The following OSBPL3 variants were observed in gnomAD, a reference collection of about 807,000 sequenced individuals.
The protein encoded by OSBPL3 is oxysterol binding protein like 3.
In OSBPL3, 65 loss-of-function variants were observed where a neutral mutation model predicts 120.1. That is an observed-to-expected ratio of 0.54 (90% CI 0.44 to 0.67). The LOEUF is 0.67. Among genes scored for constraint, OSBPL3 ranks in the 30% least tolerant of loss-of-function variants. OSBPL3 has a pLI of 0.00. For synonymous variants in OSBPL3, 416 were observed against 402.6 expected (o/e 1.03, Z -0.40); for missense variants, 1,004 against 1,082.1 (o/e 0.93, Z 1.01).
chr7:24,970,005 G>C (rs1816818050), intron 1 of OSBPL3, among the ~76,000 whole-genome samples: 1 of 151,680 alleles, frequency 6.6e-6, no homozygotes, highest in African/African-American at 2.4e-5. Flanking sequence ...CATCAAACCG[G>C]ATAGTCCACC....
intron 1 of OSBPL3, among the ~76,000 whole-genome samples, chr7:24,935,920 A>G (rs1016427471): frequency 1.3e-5 from 2 of 152,068 alleles, no homozygotes; most frequent in African/African-American, 2.4e-5. Flanking sequence ...TTTAGGGTAC[A>G]TGTGCACAAT....
intron 1 of OSBPL3, among the ~76,000 whole-genome samples, chr7:24,925,759 C>T (rs1005363900): frequency 6.6e-6 from 1 of 152,218 alleles, no homozygotes; most frequent in African/African-American, 2.4e-5. Context: ...ATAGGTCCTA[C>T]TGATGGTGTA....
chr7:24,885,175 T>C (rs753117640), intron 2 of OSBPL3, among the ~76,000 whole-genome samples: 4 of 150,438 alleles, frequency 2.7e-5, no homozygotes, highest in Admixed American at 6.6e-5. Flanking sequence ...TGAGCCAAGA[T>C]TGCAGCACTG....
In OSBPL3 at chr7:24,854,609, GC is replaced by G. The variant is rs1480729481; in HGVS notation, c.1028-1976del. On this transcript the variant is annotated intron_variant, in intron 10 of 22. Coordinates refer to ENST00000313367, the MANE Select transcript of OSBPL3 (RefSeq NM_015550.4). This position sits in a 1 kb window ranked among gnomAD's most constrained non-coding sequence, Gnocchi z 4.1. Reference sequence around the variant, plus strand: ...AATGGAACTAAAATTTTCTAACGACGCCTATGAAACACACTTAGCTCCTTGC... The same window carrying G: ...AATGGAACTAAAATTTTCTAACGACGCTATGAAACACACTTAGCTCCTTGC... Among the ~76,000 whole-genome samples, 4 of 151,568 alleles carry G rather than the reference GC, an allele frequency of 2.6e-5. No homozygotes were observed. Among genetic ancestry groups the G allele is most frequent in the African/African-American group, 9.7e-5 (4 of 41,170 alleles).
intron 14 of OSBPL3, among the ~76,000 whole-genome samples, chr7:24,836,582 C>T (rs1233147347): frequency 6.6e-6 from 1 of 152,144 alleles, no homozygotes; most frequent in African/African-American, 2.4e-5. Flanking sequence ...GTTTCATGCT[C>T]TGAAATTCCT....
chr7:24,866,089 T>C lies in OSBPL3; in HGVS notation c.530A>G (p.Asp177Gly). 2 of 1,613,584 alleles carry C rather than the reference T, an allele frequency of 1.2e-6. No homozygotes were observed. Among genetic ancestry groups the C allele is most frequent in the Non-Finnish European group, 1.7e-6 (2 of 1,179,722 alleles). Residue 177 changes from aspartate to glycine, a missense_variant, in exon 6 of 23, where the codon GAC (aspartate) becomes GGC (glycine). By Grantham distance (94) the Asp-to-Gly change is moderately conservative. Transcript: ENST00000313367. Reference sequence around the variant, plus strand: ...CATTACCTTCCTACTTGAAATGGAGTCAAACACCCCAGATGAAGAGTCTGT... The same window carrying C: ...CATTACCTTCCTACTTGAAATGGAGCCAAACACCCCAGATGAAGAGTCTGT... Reference protein sequence around the residue: ...TITDSSSGVFDSISSRKRSSI... With the variant: ...TITDSSSGVFGSISSRKRSSI...
intron 1 of OSBPL3, among the ~76,000 whole-genome samples, 193 bp downstream of exon 1, chr7:24,979,693 C>T (rs563226735): frequency 6.6e-5 from 10 of 152,256 alleles, no homozygotes; most frequent in Middle Eastern, 6.8e-3. Flanking sequence ...CCTCCTTCCC[C>T]GGGAGCTGCA....
At chr7:24,969,295 A>G (rs1455692579) in intron 1 of OSBPL3, among the ~76,000 whole-genome samples, 1 of 152,202 alleles carries the variant, frequency 6.6e-6, no homozygotes, top group Non-Finnish European at 1.5e-5. Flanking sequence ...CATTTCGTGA[A>G]CTATGTGTTC....
At chr7:24,842,070 C>A (rs1200580543) in intron 13 of OSBPL3, among the ~76,000 whole-genome samples, 1 of 151,922 alleles carries the variant, frequency 6.6e-6, no homozygotes, top group Non-Finnish European at 1.5e-5. Context: ...GAGAAAATAT[C>A]CAATGCTCTC....
intron 1 of OSBPL3, among the ~76,000 whole-genome samples, chr7:24,948,761 T>TC (rs1352521431): frequency 6.6e-6 from 1 of 152,164 alleles, no homozygotes; most frequent in Non-Finnish European, 1.5e-5. Context: ...AAGAAAGACA[T>TC]CAGAAGTATC....
chr7:24,854,597 T>G lies in OSBPL3; in HGVS notation c.1028-1963A>C, dbSNP rs1482824667. 1.3e-5 allele frequency among the ~76,000 whole-genome samples: 2 copies of G among 151,716 alleles called. No homozygotes were observed. Among genetic ancestry groups the G allele is most frequent in the Non-Finnish European group, 2.9e-5 (2 of 67,994 alleles). On this transcript the variant is annotated intron_variant, in intron 10 of 22. Transcript: ENST00000313367. This position sits in a 1 kb window ranked among gnomAD's most constrained non-coding sequence, Gnocchi z 4.1. ...AGATGGGGGTCAAATGGAACTAAAA[T>G]TTTCTAACGACGCCTATGAAACACA...
chr7:24,833,908 G>C lies in OSBPL3; in HGVS notation c.1746+578C>G, dbSNP rs544532041. On this transcript the variant is annotated intron_variant, in intron 15 of 22. Coordinates refer to ENST00000313367, the MANE Select transcript of OSBPL3 (RefSeq NM_015550.4). This position sits in a 1 kb window ranked among gnomAD's most constrained non-coding sequence, Gnocchi z 4.4. The stretch of plus-strand genomic sequence containing the variant: ...ATGCTGTGACTGGAGCTGATGCCCA[G>C]TAGGGAAGAGAAGGCTTTTCTACGA... 9.9e-5 allele frequency among the ~76,000 whole-genome samples: 15 copies of C among 152,280 alleles called. No homozygotes were observed. Among genetic ancestry groups the C allele is most frequent in the African/African-American group, 3.6e-4 (15 of 41,552 alleles).
rs145996023 is a variant in OSBPL3, at chr7:24,953,870, G to A, written c.-150+26016C>T. ...CCAGGAATAGCTTTTGCTACAAAATGTGAGACAAAACAGCTCATGAAGAAA... is the reference window on the plus strand; with the variant it reads ...CCAGGAATAGCTTTTGCTACAAAATATGAGACAAAACAGCTCATGAAGAAA... On this transcript the variant is annotated intron_variant, in intron 1 of 22. Coordinates refer to ENST00000313367, the MANE Select transcript of OSBPL3 (RefSeq NM_015550.4). This position sits in a 1 kb window ranked among gnomAD's most constrained non-coding sequence, Gnocchi z 4.3. Among the ~76,000 whole-genome samples the A allele has an allele frequency of 1.3e-3, 202 of 152,342 alleles. No homozygotes were observed. The highest frequency in any genetic ancestry group is 2.6e-3 in the Non-Finnish European group (179 of 68,030).
At position 24,820,045 on chromosome 7, in the gene OSBPL3, G is replaced by A. The variant is rs1431688749; in HGVS notation, c.1948+130C>T. The A allele has an allele frequency of 1.7e-6, 1 of 605,080 alleles. No homozygotes were observed. The highest frequency in any genetic ancestry group is 3.0e-6 in the Non-Finnish European group (1 of 332,970). The allele number at this position is 605,080 out of a possible 1,614,324, so 37.5% of individuals were successfully genotyped here. On this transcript the variant is annotated intron_variant, in intron 17 of 22. Coordinates refer to ENST00000313367, the MANE Select transcript of OSBPL3 (RefSeq NM_015550.4). The surrounding 1 kb of genome is among the most constrained non-coding windows in gnomAD (Gnocchi z 4.6). Reference sequence around the variant, plus strand: ...ATGAGAGGCAAGAACAGGTGGCGCAGATCCTTCCAACCAGGCCCAAATCCA... The same window carrying A: ...ATGAGAGGCAAGAACAGGTGGCGCAAATCCTTCCAACCAGGCCCAAATCCA...
At chr7:24,859,542 T>G (rs1800246532) in intron 10 of OSBPL3, among the ~76,000 whole-genome samples, 1 of 152,174 alleles carries the variant, frequency 6.6e-6, no homozygotes, top group African/African-American at 2.4e-5. Context: ...TCTACAACTA[T>G]AAAAAATAAC....
At position 24,872,999 on chromosome 7, in the gene OSBPL3, G is replaced by A. The variant is rs1024345071; in HGVS notation, c.97-930C>T. Among the ~76,000 whole-genome samples, 1 of 152,032 alleles carries A rather than the reference G, an allele frequency of 6.6e-6. No homozygotes were observed. Among genetic ancestry groups the A allele is most frequent in the Non-Finnish European group, 1.5e-5 (1 of 68,010 alleles). On this transcript the variant is annotated intron_variant, in intron 2 of 22. Transcript: ENST00000313367. The surrounding 1 kb of genome is among the most constrained non-coding windows in gnomAD (Gnocchi z 4.1). ...TATACATGAAATGCATGAATCTTAA[G>A]AGTATGCCTTGATAAAAATGATAAA...
At position 24,806,925 on chromosome 7, in the gene OSBPL3, A is replaced by T; in HGVS notation, c.2318-23T>A. On this transcript the variant is annotated intron_variant, in intron 20 of 22. Coordinates refer to ENST00000313367, the MANE Select transcript of OSBPL3 (RefSeq NM_015550.4). This position sits in a 1 kb window ranked among gnomAD's most constrained non-coding sequence, Gnocchi z 5.2. ...GATCTAAGAAGAAAATAAATCATTC[A>T]CCCCTAACTTGCATGTTACTTATGT... 6 of 1,582,606 alleles carry T rather than the reference A, an allele frequency of 3.8e-6. No individual in the cohort carries two copies. The highest frequency in any genetic ancestry group is 5.2e-6 in the Non-Finnish European group (6 of 1,161,868).
chr7:24,908,380 C>A (rs1052560742), intron 1 of OSBPL3, among the ~76,000 whole-genome samples: 1 of 152,160 alleles, frequency 6.6e-6, no homozygotes, highest in African/African-American at 2.4e-5. Context: ...TTTTTATCAG[C>A]ACATGTGGTA....
intron 4 of OSBPL3, 101 bp from the exon 5 acceptor site, chr7:24,870,946 A>T: frequency 1.3e-6 from 1 of 768,582 alleles, no homozygotes; most frequent in East Asian, 2.5e-5. Flanking sequence ...AAAATCACAA[A>T]CACTGCGACT....
Sources: allele counts gnomAD v4.1 joint callset (sites outside exome capture counted in the v4.1 genomes callset), GRCh38; gene constraint gnomAD v4.1.1; non-coding constraint Gnocchi (gnomAD v3.1); transcripts MANE v1.5; gene names NCBI Gene and HGNC (gene_info 2026-07-23, HGNC 2026-07-21).